Variants in PITPNM3 observed in about 807,000 individuals in gnomAD.
PITPNM3 encodes membrane-associated phosphatidylinositol transfer protein 3.
A neutral mutation model predicts 102.0 loss-of-function variants in PITPNM3; 26 were observed. The ratio of observed to expected loss-of-function variants is 0.25; its 90% CI spans 0.19 to 0.35. The LOEUF (loss-of-function observed/expected upper bound fraction) is 0.35, where lower values mean the gene tolerates loss of function less well. PITPNM3 is among the 10% of genes least tolerant of loss of function. PITPNM3 has a pLI of 1.00. For synonymous variants in PITPNM3, 578 were observed against 558.6 expected (o/e 1.03, Z -0.49); for missense variants, 1,083 against 1,346.1 (o/e 0.80, Z 3.06).
chr17:6,533,580 G>C (rs1319298121), intron 2 of PITPNM3, among the ~76,000 whole-genome samples: 1 of 151,874 alleles, frequency 6.6e-6, no homozygotes, highest in Non-Finnish European at 1.5e-5. Flanking sequence ...TCAGTCTCCT[G>C]AGTAGCTGGG....
chr17:6,490,651 A>C (rs1298036188), intron 4 of PITPNM3, among the ~76,000 whole-genome samples: 1 of 151,910 alleles, frequency 6.6e-6, no homozygotes, highest in Non-Finnish European at 1.5e-5. Flanking sequence ...CGCTTTGAGG[A>C]CCCTTAGAAA....
intron 3 of PITPNM3, among the ~76,000 whole-genome samples, chr17:6,516,848 G>A (rs1597397007): frequency 6.6e-6 from 1 of 151,908 alleles, no homozygotes; most frequent in East Asian, 1.9e-4. Flanking sequence ...TGGGCAACAT[G>A]TTGAAACCCT....
At chr17:6,486,218 C>T (rs1330251875) in intron 4 of PITPNM3, among the ~76,000 whole-genome samples, 1 of 152,204 alleles carries the variant, frequency 6.6e-6, no homozygotes, top group Non-Finnish European at 1.5e-5. Context: ...GTGGCTAAAA[C>T]CTACAGCCAA....
At chr17:6,483,483 C>A in intron 6 of PITPNM3, 34 bp downstream of exon 6, 1 of 1,589,346 alleles carries the variant, frequency 6.3e-7, no homozygotes, top group Non-Finnish European at 8.6e-7. Context: ...CCCCACCAAC[C>A]CCAACCAGTT....
intron 1 of PITPNM3, among the ~76,000 whole-genome samples, chr17:6,549,952 A>G (rs944105042): frequency 1.3e-5 from 2 of 152,182 alleles, no homozygotes; most frequent in Non-Finnish European, 2.9e-5. Context: ...GGGAGGATCA[A>G]TGCAAGGTCA....
At position 6,491,285 on chromosome 17, in the gene PITPNM3, T is replaced by C. The variant is rs2150591874; in HGVS notation, c.275-6993A>G. On this transcript the variant is annotated intron_variant, in intron 4 of 19. Transcript: ENST00000262483. ...TGGGGAGGGGAACACACTGGCAGAA[T>C]AAGAAACTATCTAAGGAACCCATAG... Among the ~76,000 whole-genome samples the C allele has an allele frequency of 1.3e-5, 2 of 152,128 alleles. 1 individual carries two copies. The highest frequency in any genetic ancestry group is 2.9e-5 in the Non-Finnish European group (2 of 68,002).
intron 3 of PITPNM3, among the ~76,000 whole-genome samples, chr17:6,504,572 G>A (rs1249587346): frequency 6.6e-6 from 1 of 152,176 alleles, no homozygotes; most frequent in African/African-American, 2.4e-5. Context: ...GGAATCTGGA[G>A]GCTGACTCCA....
intron 10 of PITPNM3, 92 bp downstream of exon 10, chr17:6,474,340 G>A: frequency 6.7e-7 from 1 of 1,494,116 alleles, no homozygotes; most frequent in Non-Finnish European, 9.2e-7. Flanking sequence ...CCCTGCCCCT[G>A]TCCCCGACTT....
Position 6,469,686 on chromosome 17 carries a change from C to T in PITPNM3, c.1773+574G>A, listed in dbSNP as rs1048472858. On this transcript the variant is annotated intron_variant, in intron 13 of 19. Transcript: ENST00000262483. This position sits in a 1 kb window ranked among gnomAD's most constrained non-coding sequence, Gnocchi z 4.0. ...GGCCTCACAAGAGGCCTCATGGTTC[C>T]TCTCCTGCCGTGAAAACAGCAGCCT... Among the ~76,000 whole-genome samples the T allele has an allele frequency of 5.3e-5, 8 of 152,214 alleles. No individual in the cohort carries two copies. Among genetic ancestry groups the T allele is most frequent in the Non-Finnish European group, 8.8e-5 (6 of 68,034 alleles).
In PITPNM3 at chr17:6,463,837, C is replaced by A. The variant is rs1366789243; in HGVS notation, c.2201G>T (p.Arg734Met). 1.9e-6 allele frequency: 3 copies of A among 1,614,054 alleles called. No homozygotes were observed. Among genetic ancestry groups the A allele is most frequent in the Non-Finnish European group, 8.5e-7 (1 of 1,180,002 alleles). ...CAMSYLTVLPRGMECVVFSID... is the reference protein window; with the variant it reads ...CAMSYLTVLPMGMECVVFSID... ...GCTGAACACTACACACTCCATGCCC[C>A]TGGGCAACACCGTGAGGTAGCTCAT... The change falls in exon 17 of 20, where the codon AGG becomes ATG. Residue 734 changes from arginine to methionine, a missense_variant. Physicochemically the swap from Arg to Met is moderately conservative, Grantham distance 91. Transcript: ENST00000262483.
intron 6 of PITPNM3, chr17:6,481,921 C>T (rs1905724516): frequency 8.2e-6 from 1 of 121,562 alleles, no homozygotes. Context: ...AGGTTTTGTC[C>T]ACAGTTCCTG....
At chr17:6,480,979 T>C (rs1383860114) in intron 6 of PITPNM3, 4 of 152,296 alleles carry the variant, frequency 2.6e-5, no homozygotes, top group Admixed American at 2.0e-4. Context: ...GCGTCAGCAG[T>C]GAGCAAGCTG....
At chr17:6,509,076 G>A (rs1907715662) in intron 3 of PITPNM3, among the ~76,000 whole-genome samples, 1 of 152,160 alleles carries the variant, frequency 6.6e-6, no homozygotes, top group Admixed American at 6.5e-5. Flanking sequence ...AGACAGGATG[G>A]GCTACAAGGA....
intron 14 of PITPNM3, among the ~76,000 whole-genome samples, chr17:6,466,424 G>A (rs559213751): frequency 1.5e-4 from 23 of 152,318 alleles, no homozygotes; most frequent in Non-Finnish European, 2.8e-4. Flanking sequence ...AGTAGGGAAC[G>A]CAGGCCCCCT....
rs879010783 is a variant in PITPNM3, at chr17:6,454,092, A to T, written c.*1246T>A. The T allele has an allele frequency of 6.6e-6, 1 of 152,364 alleles. No homozygotes were observed. Among genetic ancestry groups the T allele is most frequent in the Admixed American group, 6.5e-5 (1 of 15,294 alleles). 9.4% of individuals were successfully genotyped at this position (152,364 alleles called of 1,614,324 possible). Reference sequence around the variant, plus strand: ...AAAGGGAAGAGAATACAACAGTTGGAGCCAAACTTCCAGGAACCCCTAGAA... The same window carrying T: ...AAAGGGAAGAGAATACAACAGTTGGTGCCAAACTTCCAGGAACCCCTAGAA... On this transcript the variant is annotated 3_prime_UTR_variant, in exon 20 of 20. Coordinates refer to ENST00000262483, the MANE Select transcript of PITPNM3 (RefSeq NM_031220.4).
At chr17:6,555,545 C>T (rs1412381510) in intron 1 of PITPNM3, among the ~76,000 whole-genome samples, 1 of 152,160 alleles carries the variant, frequency 6.6e-6, no homozygotes, top group Non-Finnish European at 1.5e-5. Context: ...CACAGCTGTC[C>T]TCCACCCGCC....
At position 6,469,731 on chromosome 17, in the gene PITPNM3, A is replaced by T. The variant is rs1904967732; in HGVS notation, c.1773+529T>A. 6.6e-6 allele frequency among the ~76,000 whole-genome samples: 1 copy of T among 152,138 alleles called. No homozygotes were observed. The highest frequency in any genetic ancestry group is 2.4e-5 in the African/African-American group (1 of 41,434). On this transcript the variant is annotated intron_variant, in intron 13 of 19. Transcript: ENST00000262483. This position sits in a 1 kb window ranked among gnomAD's most constrained non-coding sequence, Gnocchi z 4.0. ...CAGCCTCAGCCTCAGGGTTTCCTTC[A>T]AAAAACACAAGCCAGTTGCTATTTC...
chr17:6,510,331 G>T (rs757135080), intron 3 of PITPNM3, among the ~76,000 whole-genome samples: 1 of 152,106 alleles, frequency 6.6e-6, no homozygotes, highest in Non-Finnish European at 1.5e-5. Context: ...AAATCTCCCT[G>T]CTTCCCACAC....
chr17:6,515,909 A>G (rs139578957), intron 3 of PITPNM3, among the ~76,000 whole-genome samples: 20 of 152,282 alleles, frequency 1.3e-4, no homozygotes, highest in African/African-American at 4.8e-4. Context: ...GGCCTGGCAC[A>G]GTGACATACG....
Sources: gnomAD v4.1 joint callset for allele counts (sites outside exome capture counted in the v4.1 genomes callset) on GRCh38, gnomAD v4.1.1 for gene constraint, Gnocchi (gnomAD v3.1) non-coding constraint, MANE v1.5 for transcripts, NCBI Gene and HGNC (gene_info 2026-07-23, HGNC 2026-07-21) for gene names.